Variants in GABRG2 observed in about 807,000 individuals in gnomAD.
GABRG2 encodes gamma-aminobutyric acid type A receptor subunit gamma2.
GABRG2 carries 16 observed loss-of-function variants against 56.4 expected under a neutral mutation model. That is an observed-to-expected ratio of 0.28 (90% CI 0.19 to 0.43). The LOEUF (loss-of-function observed/expected upper bound fraction) is 0.43. Ranked by LOEUF, GABRG2 falls within the 20% of genes least tolerant of loss-of-function variation. The probability of loss-of-function intolerance (pLI) is 1.00; values close to 1 mark genes in which losing one functional copy is unlikely to be tolerated. For synonymous variants in GABRG2, 208 were observed against 205.5 expected (o/e 1.01, Z -0.10); for missense variants, 327 against 582.7 (o/e 0.56, Z 4.52).
In GABRG2 at chr5:162,067,961, C is replaced by T. The variant is rs371508835; in HGVS notation, c.-39C>T. 1 of 1,381,886 alleles carries T rather than the reference C, an allele frequency of 7.2e-7. No individual in the cohort carries two copies. Among genetic ancestry groups the T allele is most frequent in the Non-Finnish European group, 1.0e-6 (1 of 973,244 alleles). The allele number at this position is 1,381,886 out of a possible 1,614,324, so 85.6% of individuals were successfully genotyped here. A position where few individuals can be genotyped will look rare whatever the true frequency, so the allele number is the denominator to read the frequency against. On this transcript the variant is annotated 5_prime_UTR_variant, in exon 1 of 10. Transcript: ENST00000639213. The stretch of plus-strand genomic sequence containing the variant: ...CAAAGGGGAGGGATTCTTCTGCAAC[C>T]AAGAGGCAAGAGGCGAGAGAAGGAA...
intron 6 of GABRG2, among the ~76,000 whole-genome samples, chr5:162,110,577 A>C (rs183152350): frequency 2.7e-4 from 41 of 152,232 alleles, no homozygotes; most frequent in Non-Finnish European, 6.0e-4. Flanking sequence ...AAAAAAGGAA[A>C]GTTAAAAAGC....
intron 3 of GABRG2, among the ~76,000 whole-genome samples, chr5:162,097,068 T>C (rs562883022): frequency 2.6e-5 from 4 of 152,136 alleles, no homozygotes; most frequent in Non-Finnish European, 5.9e-5. Context: ...TATTTTAATA[T>C]AGGCCAACTG....
At chr5:162,109,420 A>ATATATATATATATATT (rs1424412323) in intron 6 of GABRG2, among the ~76,000 whole-genome samples, 23 of 116,124 alleles carry the variant, frequency 2.0e-4, no homozygotes, top group African/African-American at 7.1e-4. Context: ...ATATATATAT[A>ATATATATATATATATT]TATTTATTTA....
At chr5:162,099,291 C>A (rs142451037) in intron 4 of GABRG2, 1 of 152,072 alleles carries the variant, frequency 6.6e-6, no homozygotes, top group Admixed American at 6.6e-5. Flanking sequence ...TATTTTGAGA[C>A]AGGGTCTCAC....
rs182240783 is a variant in GABRG2, at chr5:162,112,821, A to G, written c.769+8795A>G. On this transcript the variant is annotated intron_variant, in intron 6 of 9. Coordinates refer to ENST00000639213, the MANE Select transcript of GABRG2 (RefSeq NM_198904.4). ...ATACATTTCATTTAAGAGATCAAGA[A>G]CATCTAATTTTAGTAGTACATCCAG... is the stretch of plus-strand genomic sequence containing the variant. Among the ~76,000 whole-genome samples, 260 of 152,294 alleles carry G rather than the reference A, an allele frequency of 1.7e-3. 2 individuals carry two copies. Among genetic ancestry groups the G allele is most frequent in the African/African-American group, 6.0e-3 (249 of 41,572 alleles).
chr5:162,085,558 C>CT lies in GABRG2; in HGVS notation c.108-8259dup, dbSNP rs1554097166. Among the ~76,000 whole-genome samples the CT allele has an allele frequency of 4.5e-3, 607 of 135,438 alleles. 4 individuals carry two copies. The highest frequency in any genetic ancestry group is 0.015 in the African/African-American group (533 of 36,532). The allele number at this position is 135,438 out of a possible 152,430, so 88.9% of individuals were successfully genotyped here. The stretch of plus-strand genomic sequence containing the variant: ...TTTTTTTTTAGTACTTTTTTTTCTT[C>CT]TTTTTTTTTTTACTTTTTTTTTTTA... On this transcript the variant is annotated intron_variant, in intron 1 of 9. Transcript: ENST00000639213.
intron 1 of GABRG2, 115 bp from the exon 2 acceptor site, chr5:162,093,713 C>G: frequency 1.0e-6 from 1 of 979,560 alleles, no homozygotes; most frequent in Non-Finnish European, 1.6e-6. Flanking sequence ...GGAGAATTTT[C>G]AGTTTAAACA....
intron 6 of GABRG2, among the ~76,000 whole-genome samples, chr5:162,104,830 G>T (rs1418301500): frequency 6.6e-6 from 1 of 152,018 alleles, no homozygotes; most frequent in Non-Finnish European, 1.5e-5. Flanking sequence ...ATCAATTGTT[G>T]ATTTAAAACC....
chr5:162,130,307 T>C lies in GABRG2; in HGVS notation c.770-11857T>C, dbSNP rs540764263. Among the ~76,000 whole-genome samples the C allele has an allele frequency of 2.6e-5, 4 of 151,988 alleles. No individual in the cohort carries two copies. In the South Asian group the frequency reaches 8.3e-4, roughly 32 times the overall value. On this transcript the variant is annotated intron_variant, in intron 6 of 9. Coordinates refer to ENST00000639213, the MANE Select transcript of GABRG2 (RefSeq NM_198904.4). ...TTTGCAGAATATTCCCAGGAGTGATTTGACATCTTGGGGAACATTTTGTGA... is the reference window on the plus strand; with the variant it reads ...TTTGCAGAATATTCCCAGGAGTGATCTGACATCTTGGGGAACATTTTGTGA...
chr5:162,137,297 AAT>A (rs767855393), intron 6 of GABRG2, among the ~76,000 whole-genome samples: 9 of 152,290 alleles, frequency 5.9e-5, no homozygotes, highest in African/African-American at 2.2e-4. Context: ...TTTAAAATAA[AAT>A]ATGTTTTTTA....
intron 6 of GABRG2, among the ~76,000 whole-genome samples, chr5:162,122,500 G>A (rs985558640): frequency 4.0e-5 from 6 of 151,698 alleles, no homozygotes; most frequent in Admixed American, 6.6e-5. Context: ...TATATAAACC[G>A]TTCGTTACAC....
chr5:162,152,232 A>G, intron 9 of GABRG2: 1 of 181,564 alleles, frequency 5.5e-6, no homozygotes, highest in Non-Finnish European at 1.2e-5. Flanking sequence ...GCTTTGAGTT[A>G]AAATATCCAT....
At chr5:162,069,685 C>T (rs1758513593) in intron 1 of GABRG2, among the ~76,000 whole-genome samples, 1 of 152,112 alleles carries the variant, frequency 6.6e-6, no homozygotes, top group Non-Finnish European at 1.5e-5. Flanking sequence ...AGGATTATAA[C>T]ATTTCAGTAG....
At chr5:162,114,559 G>A (rs1255066715) in intron 6 of GABRG2, among the ~76,000 whole-genome samples, 1 of 151,826 alleles carries the variant, frequency 6.6e-6, no homozygotes, top group African/African-American at 2.4e-5. Context: ...AAATAAATAA[G>A]ATAAATAAAG....
intron 8 of GABRG2, 40 bp downstream of exon 8, chr5:162,149,353 G>A: frequency 6.3e-7 from 1 of 1,598,782 alleles, no homozygotes; most frequent in Non-Finnish European, 8.6e-7. Flanking sequence ...AAATTTTTAT[G>A]ATTTCGGTTT....
chr5:162,127,606 T>G (rs1763432774), intron 6 of GABRG2, among the ~76,000 whole-genome samples: 1 of 151,944 alleles, frequency 6.6e-6, no homozygotes, highest in African/African-American at 2.4e-5. Context: ...GCTCTGGATA[T>G]GATCCTATCC....
rs34705786 is a variant in GABRG2, at chr5:162,155,487, CAT to C, written c.*2120_*2121del. On this transcript the variant is annotated 3_prime_UTR_variant, in exon 10 of 10. Transcript: ENST00000639213. Reference sequence around the variant, plus strand: ...CCTTTTCACAAAGGGAATTGCCTAACATGTGGACTTTTACAATAAAAATGCTG... The same window carrying C: ...CCTTTTCACAAAGGGAATTGCCTAACGTGGACTTTTACAATAAAAATGCTG... 0.25 allele frequency: 37,779 copies of C among 152,304 alleles called. 4,883 individuals are homozygous for C. The highest frequency in any genetic ancestry group is 0.48 in the East Asian group (2,482 of 5,136). 9.4% of individuals were successfully genotyped at this position (152,304 alleles called of 1,614,324 possible).
intron 7 of GABRG2, among the ~76,000 whole-genome samples, chr5:162,144,597 G>T (rs552850899): frequency 5.9e-5 from 9 of 152,294 alleles, no homozygotes; most frequent in Admixed American, 1.3e-4. Context: ...AGAAGTTGCT[G>T]TAATGATCAT....
intron 1 of GABRG2, among the ~76,000 whole-genome samples, chr5:162,079,938 C>T (rs961091217): frequency 2.6e-5 from 4 of 152,184 alleles, no homozygotes; most frequent in African/African-American, 9.6e-5. Context: ...CACCACCATG[C>T]TCAGCTAATT....
Sources: gnomAD v4.1 joint callset for allele counts (sites outside exome capture counted in the v4.1 genomes callset) on GRCh38, gnomAD v4.1.1 for gene constraint, MANE v1.5 for transcripts, NCBI Gene and HGNC (gene_info 2026-07-23, HGNC 2026-07-21) for gene names.